FCHO2: variants seen among roughly 807,000 people sequenced by gnomAD.
FCHO2 encodes the protein FCH and mu domain containing endocytic adaptor 2.
Under a neutral mutation model 114.1 loss-of-function variants are expected in FCHO2, and 43 were observed. That is an observed-to-expected ratio of 0.38 (90% CI 0.30 to 0.49). FCHO2 has a LOEUF of 0.49. FCHO2 is among the 20% of genes least tolerant of loss of function. The pLI, the probability that FCHO2 is intolerant of heterozygous loss-of-function variation, is 0.97. For synonymous variants in FCHO2, 293 were observed against 315.2 expected (o/e 0.93, Z 0.75); for missense variants, 807 against 950.4 (o/e 0.85, Z 1.98).
At chr5:73,011,532 C>T (rs2112728568) in intron 6 of FCHO2, among the ~76,000 whole-genome samples, 1 of 152,194 alleles carries the variant, frequency 6.6e-6, no homozygotes, top group East Asian at 1.9e-4. Flanking sequence ...CATGTGCCTA[C>T]ATAGGCTTAG....
intron 1 of FCHO2, among the ~76,000 whole-genome samples, chr5:72,962,636 T>G (rs1385056096): frequency 6.6e-6 from 1 of 152,186 alleles, no homozygotes; most frequent in East Asian, 1.9e-4. Flanking sequence ...GGCTCACGCC[T>G]GTAATCCCAG....
At chr5:73,065,577 T>C (rs1175175454) in intron 18 of FCHO2, among the ~76,000 whole-genome samples, 1 of 152,092 alleles carries the variant, frequency 6.6e-6, no homozygotes, top group Non-Finnish European at 1.5e-5. Context: ...TTGTGAGACT[T>C]AAATGAGTTA....
At chr5:73,058,819 A>C (rs956090005) in intron 17 of FCHO2, among the ~76,000 whole-genome samples, 1 of 152,180 alleles carries the variant, frequency 6.6e-6, no homozygotes, top group Non-Finnish European at 1.5e-5. Flanking sequence ...CAAATACAAA[A>C]TATATATCAA....
intron 8 of FCHO2, 91 bp downstream of exon 8, chr5:73,017,399 A>G (rs1173540532): frequency 4.1e-5 from 29 of 712,762 alleles, no homozygotes. Context: ...GTAAGGGGTA[A>G]TTTTAACTTT....
chr5:73,001,365 C>T (rs1283145752), intron 5 of FCHO2, among the ~76,000 whole-genome samples: 1 of 147,204 alleles, frequency 6.8e-6, no homozygotes, highest in East Asian at 2.1e-4. Context: ...AGGAGGATTG[C>T]TTGAGGCCAG....
At chr5:72,960,074 C>G (rs1254011521) in intron 1 of FCHO2, among the ~76,000 whole-genome samples, 1 of 152,186 alleles carries the variant, frequency 6.6e-6, no homozygotes, top group East Asian at 1.9e-4. Context: ...GCCACTGTGC[C>G]CAGCCAAAGT....
intron 9 of FCHO2, among the ~76,000 whole-genome samples, chr5:73,035,310 T>C (rs1288847576): frequency 1.3e-5 from 2 of 152,044 alleles, no homozygotes; most frequent in African/African-American, 4.8e-5. Flanking sequence ...TCCCAGCTAC[T>C]GGGAAGGCTG....
chr5:73,052,682 A>G (rs1022738200), intron 13 of FCHO2, 175 bp downstream of exon 13: 12 of 564,282 alleles, frequency 2.1e-5, no homozygotes, highest in Non-Finnish European at 3.3e-5. Context: ...TGCTTTTGAA[A>G]GTAGAAAGTG....
intron 19 of FCHO2, among the ~76,000 whole-genome samples, chr5:73,069,465 A>G (rs1742525481): frequency 6.6e-6 from 1 of 151,946 alleles, no homozygotes; most frequent in Non-Finnish European, 1.5e-5. Context: ...GTGATGGGAG[A>G]CAATGGCAGA....
intron 10 of FCHO2, among the ~76,000 whole-genome samples, chr5:73,037,609 A>T (rs1756585483): frequency 6.6e-6 from 1 of 152,174 alleles, no homozygotes; most frequent in South Asian, 2.1e-4. Flanking sequence ...CTTCTAGACA[A>T]TTCTGAGTGT....
At chr5:73,066,452 A>G (rs1461866210) in intron 18 of FCHO2, among the ~76,000 whole-genome samples, 1 of 151,944 alleles carries the variant, frequency 6.6e-6, no homozygotes, top group Admixed American at 6.6e-5. Context: ...AAATTTTAAA[A>G]GTGCAATTTA....
intron 20 of FCHO2, 100 bp from the exon 21 acceptor site, chr5:73,077,238 G>A (rs1367798130): frequency 3.2e-6 from 3 of 950,580 alleles, no homozygotes; most frequent in Non-Finnish European, 4.6e-6. Flanking sequence ...ATAGGTGCGT[G>A]TGTGTGTGCG....
intron 5 of FCHO2, among the ~76,000 whole-genome samples, chr5:73,002,284 G>C (rs931379681): frequency 6.6e-6 from 1 of 152,134 alleles, no homozygotes; most frequent in Admixed American, 6.5e-5. Context: ...TAGAGACTAC[G>C]TGAGTATAGG....
chr5:73,068,877 C>T, intron 19 of FCHO2, 98 bp downstream of exon 19: 1 of 1,353,076 alleles, frequency 7.4e-7, no homozygotes, highest in Non-Finnish European at 9.8e-7. Flanking sequence ...AAGAATTTAA[C>T]ATTATAAATT....
Position 73,063,854 on chromosome 5 carries a change from T to C in FCHO2, c.1359T>C (p.Thr453=). The C allele has an allele frequency of 1.2e-6, 2 of 1,611,752 alleles. No individual in the cohort carries two copies. Among genetic ancestry groups the C allele is most frequent in the Non-Finnish European group, 8.5e-7 (1 of 1,178,686 alleles). Residue 453 remains threonine (T), a synonymous_variant, in exon 18 of 26, where the codon ACT becomes ACC. Transcript: ENST00000430046. ...LTSSSSARPT[T]PLSVGTIVPP... ...CCCCTCAACCAGCCAGGCCCACAAC[T>C]CCTCTTTCTGTAGGCACCATTGTCC... is the stretch of plus-strand genomic sequence containing the variant.
At position 72,961,208 on chromosome 5, in the gene FCHO2, A is replaced by G. The variant is rs201057291; in HGVS notation, c.33+5079A>G. 3.3e-4 allele frequency among the ~76,000 whole-genome samples: 50 copies of G among 152,256 alleles called. No individual in the cohort carries two copies. In the East Asian group the frequency reaches 9.1e-3, roughly 28 times the overall value. ...TATTAATAGGTCTTTGGGATAAAAA[A>G]CATTATTATATTTTTGCTTGATTAA... On this transcript the variant is annotated intron_variant, in intron 1 of 25. Transcript: ENST00000430046.
intron 6 of FCHO2, among the ~76,000 whole-genome samples, chr5:73,008,873 A>G (rs1318314672): frequency 2.0e-5 from 3 of 152,204 alleles, no homozygotes; most frequent in Non-Finnish European, 2.9e-5. Flanking sequence ...AATACTATAT[A>G]TCTTTATTTA....
intron 5 of FCHO2, among the ~76,000 whole-genome samples, chr5:73,002,258 A>G (rs1291045677): frequency 6.6e-6 from 1 of 152,212 alleles, no homozygotes; most frequent in Non-Finnish European, 1.5e-5. Context: ...TTGAGTAGCA[A>G]AATTAGTTAG....
intron 19 of FCHO2, among the ~76,000 whole-genome samples, chr5:73,074,195 A>T (rs1006935685): frequency 4.7e-5 from 7 of 150,350 alleles, no homozygotes; most frequent in Admixed American, 6.6e-5. Flanking sequence ...TTTTTTTTTT[A>T]AATAATGTTA....
Sources: allele counts gnomAD v4.1 joint callset (sites outside exome capture counted in the v4.1 genomes callset), GRCh38; gene constraint gnomAD v4.1.1; transcripts MANE v1.5; gene names NCBI Gene and HGNC (gene_info 2026-07-23, HGNC 2026-07-21).